The following CXADR variants were observed in gnomAD, a reference collection of about 807,000 sequenced individuals.
CXADR encodes the protein CXADR cell adhesion molecule.
CXADR carries 20 observed loss-of-function variants against 40.3 expected under a neutral mutation model. The ratio of observed to expected loss-of-function variants is 0.50; its 90% confidence interval spans 0.35 to 0.72. CXADR has a LOEUF of 0.72. CXADR is among the 30% of genes least tolerant of loss of function. The probability of loss-of-function intolerance (pLI) is 0.01; values close to 1 mark genes in which losing one functional copy is unlikely to be tolerated. For missense variants in CXADR, 332 were observed against 449.1 expected (o/e 0.74, Z 2.36); for synonymous variants, 150 against 161.3 (o/e 0.93, Z 0.53).
At chr21:17,598,540 A>G, downstream of CXADR, 1 of 1,235,314 alleles carries the variant, frequency 8.1e-7, no homozygotes, top group South Asian at 1.4e-5. Flanking sequence ...AACCTTGGGC[A>G]ATGCCAAGTA....
At position 17,569,573 on chromosome 21, in the gene CXADR, A is replaced by G; in HGVS notation, c.*3881A>G. On this transcript the variant is annotated 3_prime_UTR_variant, in exon 7 of 7. Coordinates refer to ENST00000284878, the MANE Select transcript of CXADR (RefSeq NM_001338.5). ...AAATTCCTTTTATAAATGTTATAGA[A>G]GCAGGGAAGAATAATAAACACATTT... 2.0e-6 allele frequency: 2 copies of G among 985,338 alleles called. No homozygotes were observed. The highest frequency in any genetic ancestry group is 2.4e-6 in the Non-Finnish European group (2 of 829,856). The allele number at this position is 985,338 out of a possible 1,614,324, so 61.0% of individuals were successfully genotyped here.
chr21:17,527,288 C>T (rs1404289770), intron 1 of CXADR: 1 of 152,162 alleles, frequency 6.6e-6, no homozygotes, highest in Non-Finnish European at 1.5e-5. Flanking sequence ...AATTTGAACG[C>T]TCCCCCAAGT....
chr21:17,537,437 T>C (rs527367128), intron 1 of CXADR, among the ~76,000 whole-genome samples: 85 of 152,340 alleles, frequency 5.6e-4, no homozygotes, highest in African/African-American at 2.0e-3. Flanking sequence ...CAGACTTGCC[T>C]GATTGCTGTT....
chr21:17,583,362 C>CA (rs1403406453), intron 7 of CXADR, among the ~76,000 whole-genome samples: 1 of 150,870 alleles, frequency 6.6e-6, no homozygotes, highest in Admixed American at 6.6e-5. Context: ...TAAAGTTCTG[C>CA]AAAAAACAGA....
chr21:17,596,603 TATGTGG>T (rs1364847603), downstream of CXADR, among the ~76,000 whole-genome samples: 1 of 152,054 alleles, frequency 6.6e-6, no homozygotes, highest in African/African-American at 2.4e-5. Flanking sequence ...TAACTGTATG[TATGTGG>T]GTCTACTTCT....
Position 17,534,007 on chromosome 21 carries a change from A to AATAT in CXADR, c.44-13002_44-12999dup, listed in dbSNP as rs5842646. ...CCTGTATTTTCTTCTCTTTCTCAGC[A>AATAT]ATATATATATATATATATATAGCTA... On this transcript the variant is annotated intron_variant, in intron 1 of 6. Transcript: ENST00000284878. Among the ~76,000 whole-genome samples, 41 of 87,910 alleles carry AATAT rather than the reference A, an allele frequency of 4.7e-4. 1 individual carries two copies. The highest frequency in any genetic ancestry group is 3.7e-3 in the East Asian group (11 of 3,008). 57.7% of individuals were successfully genotyped at this position (87,910 alleles called of 152,430 possible).
At chr21:17,519,287 A>C (rs75463536) in intron 1 of CXADR, among the ~76,000 whole-genome samples, 41 of 152,326 alleles carry the variant, frequency 2.7e-4, no homozygotes, top group African/African-American at 9.4e-4. Context: ...GCAGACAGCT[A>C]GTGTTCAGCA....
At chr21:17,513,301 C>T in intron 1 of CXADR, 129 bp downstream of exon 1, 3 of 920,518 alleles carry the variant, frequency 3.3e-6, no homozygotes, top group Non-Finnish European at 1.5e-6. Context: ...GCAGGGGCGG[C>T]GGGGCGGGCA....
the CXADR span, chr21:17,612,684 GC>G: frequency 6.5e-6 from 1 of 152,800 alleles, no homozygotes; most frequent in Non-Finnish European, 1.5e-5. Context: ...CCTTTCCCCG[GC>G]CCGGTCTCCT....
the CXADR span, among the ~76,000 whole-genome samples, chr21:17,608,028 CAG>C: frequency 6.6e-6 from 1 of 152,278 alleles, no homozygotes; most frequent in Non-Finnish European, 1.5e-5. Flanking sequence ...CTGTGGTGTG[CAG>C]AAAGCCCATG....
chr21:17,632,186 A>G, the CXADR span, among the ~76,000 whole-genome samples: 1 of 152,184 alleles, frequency 6.6e-6, no homozygotes, highest in South Asian at 2.1e-4. Flanking sequence ...TTATTTATGT[A>G]TTTCCAGTTT....
chr21:17,629,835 ATAAAT>A, the CXADR span, among the ~76,000 whole-genome samples: 1 of 152,066 alleles, frequency 6.6e-6, no homozygotes, highest in Non-Finnish European at 1.5e-5. Context: ...AAGCAAATAA[ATAAAT>A]AAATAAATAA....
chr21:17,535,590 C>T (rs373088107), intron 1 of CXADR, among the ~76,000 whole-genome samples: 7 of 152,142 alleles, frequency 4.6e-5, no homozygotes, highest in African/African-American at 1.2e-4. Flanking sequence ...ACCCTTATGA[C>T]GGGTTTTGAC....
the CXADR span, chr21:17,599,125 GATTAC>G: frequency 1.1e-5 from 3 of 277,994 alleles, no homozygotes; most frequent in Non-Finnish European, 2.0e-5. Flanking sequence ...CCATTGTTTT[GATTAC>G]ATTTTTGTAT....
chr21:17,542,906 T>G (rs568081917), intron 1 of CXADR: 1 of 180,750 alleles, frequency 5.5e-6, no homozygotes, highest in Non-Finnish European at 1.2e-5. Flanking sequence ...TTATGTAATT[T>G]GTGTCTGTTG....
At chr21:17,515,913 C>T (rs1171672072) in intron 1 of CXADR, among the ~76,000 whole-genome samples, 2 of 152,132 alleles carry the variant, frequency 1.3e-5, no homozygotes, top group South Asian at 2.1e-4. Flanking sequence ...CAGATTATAC[C>T]GTCAGTGATA....
chr21:17,631,786 C>T, the CXADR span, among the ~76,000 whole-genome samples: 1 of 152,262 alleles, frequency 6.6e-6, no homozygotes, highest in Non-Finnish European at 1.5e-5. Flanking sequence ...ATTTGTTTTG[C>T]TCAGCTACCC....
At chr21:17,598,719 G>A in the CXADR span, 1 of 1,614,010 alleles carries the variant, frequency 6.2e-7, no homozygotes, top group Non-Finnish European at 8.5e-7. Flanking sequence ...GATAATCAGA[G>A]GTAACCTTAT....
At chr21:17,575,555 A>G (rs1333656099) in intron 7 of CXADR, among the ~76,000 whole-genome samples, 2 of 146,418 alleles carry the variant, frequency 1.4e-5, no homozygotes. Flanking sequence ...CAGTGGCACG[A>G]TCTCTGCTCA....
Sources: gnomAD v4.1 joint callset for allele counts (sites outside exome capture counted in the v4.1 genomes callset) on GRCh38, gnomAD v4.1.1 for gene constraint, MANE v1.5 for transcripts, NCBI Gene and HGNC (gene_info 2026-07-23, HGNC 2026-07-21) for gene names.